WASHC4: variants seen among roughly 807,000 people sequenced by gnomAD.
WASHC4 encodes WASH complex subunit 7.
A neutral mutation model predicts 166.6 loss-of-function variants in WASHC4; 86 were observed. The ratio of observed to expected loss-of-function variants is 0.52; its 90% CI spans 0.43 to 0.62. The LOEUF (loss-of-function observed/expected upper bound fraction) is 0.62, where lower values mean the gene tolerates loss of function less well. Ranked by LOEUF, WASHC4 falls within the 20% of genes least tolerant of loss-of-function variation. WASHC4 has a pLI of 0.00. For missense variants in WASHC4, 1,262 were observed against 1,382.4 expected (o/e 0.91, Z 1.38); for synonymous variants, 446 against 451.6 (o/e 0.99, Z 0.16).
intron 1 of WASHC4, among the ~76,000 whole-genome samples, chr12:105,109,323 G>A (rs1042045131): frequency 6.6e-6 from 1 of 152,172 alleles, no homozygotes; most frequent in African/African-American, 2.4e-5. Flanking sequence ...AAATGGTTCA[G>A]CCTGGAGTAG....
intron 6 of WASHC4, 39 bp from the exon 7 acceptor site, chr12:105,118,407 A>C: frequency 7.4e-7 from 1 of 1,347,860 alleles, no homozygotes; most frequent in Non-Finnish European, 1.1e-6. Context: ...TGAGATTTAA[A>C]GAGTAACTTT....
chr12:105,114,281 T>G lies in WASHC4; in HGVS notation c.255+12T>G, dbSNP rs780305904. On this transcript the variant is annotated intron_variant, in intron 3 of 32. Transcript: ENST00000332180. ...AGACTGAAAACAAGGTACAGAATCC[T>G]AAATCTAAAAAATTGTTTTAAAAAT... 6.2e-7 allele frequency: 1 copy of G among 1,607,548 alleles called. No individual in the cohort carries two copies. Among genetic ancestry groups the G allele is most frequent in the Non-Finnish European group, 8.5e-7 (1 of 1,175,706 alleles).
chr12:105,141,097 A>T, intron 17 of WASHC4, 52 bp downstream of exon 17: 1 of 1,609,740 alleles, frequency 6.2e-7, no homozygotes, highest in Non-Finnish European at 8.5e-7. Context: ...GAGATTTCAC[A>T]GTTCCCTTGT....
intron 13 of WASHC4, among the ~76,000 whole-genome samples, chr12:105,128,011 G>T (rs545957217): frequency 1.3e-5 from 2 of 152,216 alleles, no homozygotes; most frequent in East Asian, 3.9e-4. Context: ...CGTTAACTTG[G>T]ATAAAGCTTT....
rs1050017581 is a variant in WASHC4 at position 105,168,848 on chromosome 12, G to A, written c.*1917G>A. The A allele has an allele frequency of 6.6e-6, 1 of 152,326 alleles. No individual in the cohort carries two copies. The highest frequency in any genetic ancestry group is 1.5e-5 in the Non-Finnish European group (1 of 67,968). The allele number at this position is 152,326 out of a possible 1,614,324, so 9.4% of individuals were successfully genotyped here. A position where few individuals can be genotyped will look rare whatever the true frequency, so the allele number is the denominator to read the frequency against. On this transcript the variant is annotated 3_prime_UTR_variant, in exon 33 of 33. Coordinates refer to ENST00000332180, the MANE Select transcript of WASHC4 (RefSeq NM_015275.3). ...ATATTCACATCTAATAGGTTAATAT[G>A]TACATTTGGATGATGATTTTTCTTG...
intron 30 of WASHC4, 144 bp downstream of exon 30, chr12:105,162,989 C>T (rs553254217): frequency 2.1e-5 from 11 of 523,542 alleles, no homozygotes; most frequent in East Asian, 1.1e-4. Flanking sequence ...GACAGAGTCT[C>T]GTCTCGCTCT....
At chr12:105,152,665 CCT>C (rs1338728089) in intron 26 of WASHC4, among the ~76,000 whole-genome samples, 1 of 152,034 alleles carries the variant, frequency 6.6e-6, no homozygotes, top group Non-Finnish European at 1.5e-5. Context: ...GTAAATAAAA[CCT>C]CTTCAATTAT....
At position 105,144,819 on chromosome 12, in the gene WASHC4, C is replaced by A. The variant is rs375315020; in HGVS notation, c.2281C>A (p.Arg761Ser). Residue 761 changes from arginine (R) to serine (S), a missense_variant, in exon 22 of 33, where the codon CGT (arginine) becomes AGT (serine). Coordinates refer to ENST00000332180, the MANE Select transcript of WASHC4 (RefSeq NM_015275.3). ...YSEMRNLATQ[R>S]YGLVMTEAHL... is the part of the protein sequence containing the mutation. ...TGAGATGAGAAACTTAGCTACTCAG[C>A]GTTATGGACTGGTTATGACAGAGGC... is the stretch of plus-strand genomic sequence containing the variant. 18 of 1,613,034 alleles carry A rather than the reference C, an allele frequency of 1.1e-5. No homozygotes were observed. The highest frequency in any genetic ancestry group is 1.5e-5 in the Non-Finnish European group (18 of 1,179,410).
Position 105,161,887 on chromosome 12 carries a change from CTTAAG to C in WASHC4, c.3061-857_3061-853del, listed in dbSNP as rs556860296. ...ATCCATGTATAGTCACATGTGGCTA[CTTAAG>C]TTAATTAAAATTTCATAAAATTAAA... is the stretch of plus-strand genomic sequence containing the variant. On this transcript the variant is annotated intron_variant, in intron 29 of 32. Transcript: ENST00000332180. Among the ~76,000 whole-genome samples, 265 of 152,286 alleles carry C rather than the reference CTTAAG, an allele frequency of 1.7e-3. 3 individuals are homozygous for C. The highest frequency in any genetic ancestry group is 6.1e-3 in the African/African-American group (255 of 41,558).
At chr12:105,119,679 C>G (rs1047691695) in intron 7 of WASHC4, among the ~76,000 whole-genome samples, 1 of 152,144 alleles carries the variant, frequency 6.6e-6, no homozygotes, top group Non-Finnish European at 1.5e-5. Context: ...AAGACTCCCC[C>G]TCATCCTACC....
intron 24 of WASHC4, chr12:105,147,881 G>A (rs1376390153): frequency 1.1e-6 from 1 of 947,532 alleles, no homozygotes; most frequent in African/African-American, 1.8e-5. Context: ...CTCCAGCTTG[G>A]GCAGCAAGAG....
rs1222891190 is a variant in WASHC4 at position 105,168,228 on chromosome 12, G to A, written c.*1297G>A. 2.0e-5 allele frequency: 3 copies of A among 152,382 alleles called. No individual in the cohort carries two copies. The highest frequency in any genetic ancestry group is 4.8e-5 in the African/African-American group (2 of 41,420). The allele number at this position is 152,382 out of a possible 1,614,324, so 9.4% of individuals were successfully genotyped here. ...TTTGTACTTACTGGTTAGGGTCAGG[G>A]TAACTTGCCAGCCCAAGATAAATAC... On this transcript the variant is annotated 3_prime_UTR_variant, in exon 33 of 33. Transcript: ENST00000332180.
chr12:105,124,804 T>A (rs575182040), intron 10 of WASHC4, among the ~76,000 whole-genome samples: 1 of 152,314 alleles, frequency 6.6e-6, no homozygotes, highest in East Asian at 1.9e-4. Context: ...AGACAACCCT[T>A]AACAAGTCTG....
At chr12:105,128,968 CAG>C (rs1371061580) in intron 13 of WASHC4, among the ~76,000 whole-genome samples, 2 of 144,490 alleles carry the variant, frequency 1.4e-5, no homozygotes, top group African/African-American at 5.2e-5. Flanking sequence ...TTTTTTGAGA[CAG>C]AGTCTCCCTG....
rs201693670 is a variant in WASHC4 at position 105,121,162 on chromosome 12, A to G, written c.623A>G (p.Asp208Gly). Reference protein sequence around the residue: ...TVLLTLDEIIDNHITLKDHWT... With the variant: ...TVLLTLDEIIGNHITLKDHWT... ...TTGCTCACCCTGGATGAAATTATTG[A>G]TAATCATATCACACTGAAAGACCAC... is the stretch of plus-strand genomic sequence containing the variant. The change falls in exon 9 of 33, where the codon GAT becomes GGT. Residue 208 changes from aspartate (D) to glycine (G), a missense_variant. Physicochemically the swap from Asp to Gly is moderately conservative, Grantham distance 94 (BLOSUM62 -1). Coordinates refer to ENST00000332180, the MANE Select transcript of WASHC4 (RefSeq NM_015275.3). 74 of 1,611,488 alleles carry G rather than the reference A, an allele frequency of 4.6e-5. No individual in the cohort carries two copies. The African/African-American group carries it at 5.1e-4, about 11-fold the overall frequency.
At chr12:105,135,152 TA>T (rs1166911983) in intron 14 of WASHC4, among the ~76,000 whole-genome samples, 1 of 152,066 alleles carries the variant, frequency 6.6e-6, no homozygotes, top group African/African-American at 2.4e-5. Flanking sequence ...CTCTGTATTT[TA>T]AACCTCACAA....
At position 105,147,113 on chromosome 12, in the gene WASHC4, T is replaced by G; in HGVS notation, c.2481T>G (p.Ile827Met). The change falls in exon 24 of 33, where the codon ATT becomes ATG. Residue 827 changes from isoleucine to methionine, a missense_variant. Transcript: ENST00000332180. ...ATATTCGGCATATTGCTAATTCAAT[T>G]CGAACACATGGCACGGGAATTATGA... ...TINIRHIANSIRTHGTGIMNT... is the reference protein window; with the variant it reads ...TINIRHIANSMRTHGTGIMNT... 2 of 1,609,552 alleles carry G rather than the reference T, an allele frequency of 1.2e-6. No individual in the cohort carries two copies. Among genetic ancestry groups the G allele is most frequent in the Non-Finnish European group, 1.7e-6 (2 of 1,175,846 alleles).
At chr12:105,138,653 C>G (rs1882528872) in intron 15 of WASHC4, among the ~76,000 whole-genome samples, 1 of 152,114 alleles carries the variant, frequency 6.6e-6, no homozygotes, top group African/African-American at 2.4e-5. Flanking sequence ...GGTAAATTTT[C>G]TCCTAATAAT....
Position 105,164,180 on chromosome 12 carries a change from T to G in WASHC4, c.3227T>G (p.Val1076Gly). ...GATTCACTTCACTGGTTCCAGTCTG[T>G]TAGAGAGAAATACCTGAAGGAGATA... ...EFDSLHWFQS[V>G]REKYLKEIRA... The change falls in exon 31 of 33, where the codon GTT (valine) becomes GGT (glycine). Residue 1076 changes from valine (V) to glycine (G), a missense_variant. Coordinates refer to ENST00000332180, the MANE Select transcript of WASHC4 (RefSeq NM_015275.3). The G allele has an allele frequency of 6.2e-7, 1 of 1,614,100 alleles. No homozygotes were observed. The highest frequency in any genetic ancestry group is 8.5e-7 in the Non-Finnish European group (1 of 1,179,972).
Sources: gnomAD v4.1 joint callset for allele counts (sites outside exome capture counted in the v4.1 genomes callset) on GRCh38, gnomAD v4.1.1 for gene constraint, MANE v1.5 for transcripts, NCBI Gene and HGNC (gene_info 2026-07-23, HGNC 2026-07-21) for gene names.